Variants in CDC23 observed in about 807,000 individuals in gnomAD.
CDC23 encodes cell division cycle 23.
A neutral mutation model predicts 81.7 loss-of-function variants in CDC23; 26 were observed. That is an observed-to-expected ratio of 0.32 (90% confidence interval 0.23 to 0.44). CDC23 has a LOEUF of 0.44. Ranked by LOEUF, CDC23 falls within the 20% of genes least tolerant of loss-of-function variation. The pLI is 1.00. For synonymous variants in CDC23, 267 were observed against 270.8 expected (o/e 0.99, Z 0.14); for missense variants, 519 against 728.0 (o/e 0.71, Z 3.30).
chr5:138,201,017 C>G (rs189474238), intron 6 of CDC23, 90 bp downstream of exon 6: 4 of 1,438,582 alleles, frequency 2.8e-6, no homozygotes, highest in African/African-American at 2.9e-5. Flanking sequence ...ATAACCAAAG[C>G]CCTGCCAAAA....
chr5:138,196,890 C>CTT (rs34002952), intron 9 of CDC23, among the ~76,000 whole-genome samples: 303 of 113,392 alleles, frequency 2.7e-3, no homozygotes, highest in South Asian at 6.7e-3. Context: ...TTTTTTTTTC[C>CTT]TTTTTTTTTT....
chr5:138,193,150 A>ACTC (rs932242524), intron 9 of CDC23, among the ~76,000 whole-genome samples: 5 of 152,134 alleles, frequency 3.3e-5, no homozygotes, highest in South Asian at 2.1e-4. Flanking sequence ...GTGGTCACAA[A>ACTC]CTCCTGAGCT....
chr5:138,199,178 T>C (rs921217131), intron 6 of CDC23, among the ~76,000 whole-genome samples: 4 of 152,156 alleles, frequency 2.6e-5, no homozygotes, highest in African/African-American at 9.7e-5. Context: ...TACTGGGAAG[T>C]AGCAGAAAAA....
In CDC23 at chr5:138,207,315, C is replaced by T. The variant is rs1405176673; in HGVS notation, c.235-631G>A. Reference sequence around the variant, plus strand: ...GTTGAATAGGCTTTAGTGTTAAGGACCTAGATTCAAATTCTGACTTTTTGA... The same window carrying T: ...GTTGAATAGGCTTTAGTGTTAAGGATCTAGATTCAAATTCTGACTTTTTGA... On this transcript the variant is annotated intron_variant, in intron 2 of 15. Transcript: ENST00000394886. Among the ~76,000 whole-genome samples the T allele has an allele frequency of 2.0e-5, 3 of 152,114 alleles. No individual in the cohort carries two copies. The East Asian group carries it at 5.8e-4, about 29-fold the overall frequency.
intron 13 of CDC23, among the ~76,000 whole-genome samples, chr5:138,190,897 AAC>A (rs1754819843): frequency 6.6e-6 from 1 of 152,058 alleles, no homozygotes; most frequent in Non-Finnish European, 1.5e-5. Flanking sequence ...GATACCAAGC[AAC>A]TCAATTTTTT....
intron 5 of CDC23, 46 bp from the exon 6 acceptor site, chr5:138,201,285 G>A (rs747016917): frequency 6.2e-7 from 1 of 1,613,566 alleles, no homozygotes; most frequent in Non-Finnish European, 8.5e-7. Context: ...CTATTTAATA[G>A]CTGCTTTCTA....
At chr5:138,203,107 G>C (rs1665675948) in intron 3 of CDC23, among the ~76,000 whole-genome samples, 1 of 151,980 alleles carries the variant, frequency 6.6e-6, no homozygotes, top group Non-Finnish European at 1.5e-5. Flanking sequence ...AATGAAGAAT[G>C]TTCTATTAAC....
At chr5:138,198,918 C>G (rs1202879373) in intron 6 of CDC23, 136 bp from the exon 7 acceptor site, 1 of 827,290 alleles carries the variant, frequency 1.2e-6, no homozygotes, top group African/African-American at 1.7e-5. Flanking sequence ...GAAAACAGGA[C>G]AGTCCAATTA....
At chr5:138,207,305 G>A in intron 2 of CDC23, among the ~76,000 whole-genome samples, 1 of 152,196 alleles carries the variant, frequency 6.6e-6, no homozygotes, top group African/African-American at 2.4e-5. Context: ...ATAGGCTTTA[G>A]TGTTAAGGAC....
At chr5:138,200,534 C>T (rs1394832832) in intron 6 of CDC23, among the ~76,000 whole-genome samples, 2 of 152,018 alleles carry the variant, frequency 1.3e-5, no homozygotes, top group Non-Finnish European at 2.9e-5. Flanking sequence ...AAATAAGTAA[C>T]ATAGGCTGGG....
rs1561634118 is a variant in CDC23 at position 138,195,722 on chromosome 5, GTATATATATACATATAATATATATGTA to G, written c.1012+2450_1012+2476del. Among the ~76,000 whole-genome samples, 64 of 52,428 alleles carry G rather than the reference GTATATATATACATATAATATATATGTA, an allele frequency of 1.2e-3. 1 individual carries two copies. Among genetic ancestry groups the G allele is most frequent in the Admixed American group, 3.2e-3 (11 of 3,408 alleles). 34.4% of individuals were successfully genotyped at this position (52,428 alleles called of 152,430 possible). On this transcript the variant is annotated intron_variant, in intron 9 of 15. Transcript: ENST00000394886. Reference sequence around the variant, plus strand: ...ATGCATATATACATATAATATATATGTATATATATACATATAATATATATGTATATATATACATATATTATATATGTG... The same window carrying G: ...ATGCATATATACATATAATATATATGTATATATACATATATTATATATGTG...
intron 2 of CDC23, 35 bp from the exon 3 acceptor site, chr5:138,206,719 A>C: frequency 1.3e-6 from 2 of 1,568,132 alleles, no homozygotes; most frequent in Non-Finnish European, 1.7e-6. Context: ...AGTGGTTGGG[A>C]ATAGGACAAC....
At chr5:138,192,690 CAGAA>C in intron 9 of CDC23, 33 bp from the exon 10 acceptor site, 1 of 1,587,628 alleles carries the variant, frequency 6.3e-7, no homozygotes, top group South Asian at 1.1e-5. Flanking sequence ...AATGAATAAT[CAGAA>C]AGGTAAAAAT....
chr5:138,189,815 G>A lies in CDC23; in HGVS notation c.1503+13C>T, dbSNP rs939806075. The A allele has an allele frequency of 1.9e-6, 3 of 1,613,730 alleles. No individual in the cohort carries two copies. Among genetic ancestry groups the A allele is most frequent in the African/African-American group, 2.7e-5 (2 of 74,896 alleles). On this transcript the variant is annotated intron_variant, in intron 14 of 15. Coordinates refer to ENST00000394886, the MANE Select transcript of CDC23 (RefSeq NM_004661.4). ...TAATATCAGCAGTACAATTCTCATG[G>A]TATGATACATACCCCACAGGAATAG...
At chr5:138,191,354 C>T (rs1435961552) in intron 13 of CDC23, 120 bp downstream of exon 13, 9 of 879,834 alleles carry the variant, frequency 1.0e-5, no homozygotes, top group South Asian at 7.9e-5. Context: ...TTCACACACC[C>T]TGCTACATCC....
Position 138,208,198 on chromosome 5 carries a change from C to T in CDC23, c.235-1514G>A, listed in dbSNP as rs905554844. Among the ~76,000 whole-genome samples the T allele has an allele frequency of 2.0e-4, 30 of 152,134 alleles. 1 individual carries two copies. Among genetic ancestry groups the T allele is most frequent in the African/African-American group, 6.3e-4 (26 of 41,418 alleles). ...AACTCCTGACCTCAAGCGATCCACC[C>T]GCCTTGAACTCACAGCAGAGTGCTG... is the stretch of plus-strand genomic sequence containing the variant. On this transcript the variant is annotated intron_variant, in intron 2 of 15. Coordinates refer to ENST00000394886, the MANE Select transcript of CDC23 (RefSeq NM_004661.4).
Position 138,189,120 on chromosome 5 carries a change from C to A in CDC23, c.1652G>T (p.Arg551Leu). The A allele has an allele frequency of 6.2e-7, 1 of 1,613,888 alleles. No individual in the cohort carries two copies. Among genetic ancestry groups the A allele is most frequent in the Non-Finnish European group, 8.5e-7 (1 of 1,179,926 alleles). ...DTREEGKALL[R>L]QILQLRNQGE... ...TTGGTTCCGAAGCTGTAGGATTTGC[C>A]GGAGTAAGGCCTTACCTTCTTCCCG... is the stretch of plus-strand genomic sequence containing the variant. The change falls in exon 16 of 16, where the codon CGG becomes CTG. Residue 551 changes from arginine to leucine, a missense_variant. Physicochemically the swap from Arg to Leu is moderately radical, Grantham distance 102. Around this residue, in one of 4 missense-constraint regions of CDC23, gnomAD observed 175 missense variants for 337.8 expected, o/e 0.52. Coordinates refer to ENST00000394886, the MANE Select transcript of CDC23 (RefSeq NM_004661.4).
At chr5:138,190,020 G>T in intron 13 of CDC23, 114 bp from the exon 14 acceptor site, 1 of 770,346 alleles carries the variant, frequency 1.3e-6, no homozygotes, top group Non-Finnish European at 2.2e-6. Context: ...TATCAATTTT[G>T]ACATAAATGA....
intron 2 of CDC23, among the ~76,000 whole-genome samples, chr5:138,208,571 A>T (rs1755078403): frequency 6.6e-6 from 1 of 152,222 alleles, no homozygotes; most frequent in Non-Finnish European, 1.5e-5. Context: ...AATGGATTAT[A>T]ATGAAAAGCA....
Sources: gnomAD v4.1 joint callset for allele counts (sites outside exome capture counted in the v4.1 genomes callset) on GRCh38, gnomAD v4.1.1 for gene constraint, gnomAD v4.1.1 regional missense constraint, MANE v1.5 for transcripts, NCBI Gene and HGNC (gene_info 2026-07-23, HGNC 2026-07-21) for gene names.